The following GTF2I variants were observed in gnomAD, a reference collection of about 807,000 sequenced individuals.
GTF2I encodes the protein general transcription factor II-I.
Under a neutral mutation model 67.6 loss-of-function variants are expected in GTF2I, and 12 were observed. That is an observed-to-expected ratio of 0.18 (90% CI 0.11 to 0.29). The LOEUF (loss-of-function observed/expected upper bound fraction) is 0.29. Ranked by LOEUF, GTF2I falls within the 10% of genes least tolerant of loss-of-function variation. GTF2I has a pLI of 1.00. For synonymous variants in GTF2I, 149 were observed against 197.0 expected, an observed-to-expected ratio of 0.76 and a Z score of 2.04; for missense variants, 271 against 580.1, an observed-to-expected ratio of 0.47 and a Z score of 5.47.
chr7:74,731,257 C>T (rs587763665), intron 14 of GTF2I, among the ~76,000 whole-genome samples: 11 of 137,962 alleles, frequency 8.0e-5, no homozygotes, highest in South Asian at 2.5e-4. Flanking sequence ...AACTAGCAAG[C>T]GGTAAAATTG....
intron 6 of GTF2I, among the ~76,000 whole-genome samples, chr7:74,703,681 T>C (rs1313877797): frequency 6.6e-6 from 1 of 152,174 alleles, no homozygotes; most frequent in African/African-American, 2.4e-5. Context: ...CGCCTGGCCC[T>C]CACTTAAGCT....
intron 1 of GTF2I, among the ~76,000 whole-genome samples, chr7:74,666,689 C>T (rs1014859211): frequency 6.6e-6 from 1 of 151,128 alleles, no homozygotes; most frequent in Non-Finnish European, 1.5e-5. Flanking sequence ...AAAAATTGGC[C>T]GGGCACGGTG....
At chr7:74,669,855 T>A (rs1456255889) in intron 1 of GTF2I, among the ~76,000 whole-genome samples, 3 of 152,160 alleles carry the variant, frequency 2.0e-5, no homozygotes, top group Non-Finnish European at 4.4e-5. Context: ...AAGTTAAATT[T>A]TAAAACGATC....
At position 74,711,041 on chromosome 7, in the gene GTF2I, T is replaced by C. The variant is rs781878557; in HGVS notation, c.695T>C (p.Leu232Pro). ...GCATTTGCTTTTCTAGGCATTTCCCTGGAAATGGCAGCTGTGACAGTAAAG... is the reference window on the plus strand; with the variant it reads ...GCATTTGCTTTTCTAGGCATTTCCCCGGAAATGGCAGCTGTGACAGTAAAG... ...TEPTEDSGIS[L>P]EMAAVTVKEE... The change falls in exon 9 of 35, where the codon CTG becomes CCG. Residue 232 changes from leucine to proline, a missense_variant. Leu to Pro is a moderately conservative substitution (Grantham distance 98). Transcript: ENST00000573035. The C allele has an allele frequency of 2.0e-6, 3 of 1,525,388 alleles. No homozygotes were observed. The African/African-American group carries it at 4.2e-5, about 21-fold the overall frequency. 94.5% of individuals were successfully genotyped at this position (1,525,388 alleles called of 1,614,324 possible).
Position 74,705,154 on chromosome 7 carries a change from T to G in GTF2I, c.587-10T>G. 1 of 1,582,386 alleles carries G rather than the reference T, an allele frequency of 6.3e-7. No individual in the cohort carries two copies. The highest frequency in any genetic ancestry group is 8.7e-7 in the Non-Finnish European group (1 of 1,153,382). On this transcript the variant is annotated splice_polypyrimidine_tract_variant and intron_variant, in intron 6 of 34. Coordinates refer to ENST00000573035, the MANE Select transcript of GTF2I (RefSeq NM_032999.4). ...AAAAACTAACTCCAATTTTTTTTTT[T>G]TGTATGTAGGTGGTCGTGTGATGGT...
At chr7:74,712,491 TGTG>T (rs1442639563) in intron 9 of GTF2I, among the ~76,000 whole-genome samples, 9 of 7,498 alleles carry the variant, frequency 1.2e-3, no homozygotes, top group African/African-American at 6.1e-3. Flanking sequence ...CCCGGGAGTG[TGTG>T]TGTGTGTGTG....
chr7:74,703,610 C>T (rs1389644976), intron 6 of GTF2I, among the ~76,000 whole-genome samples: 2 of 152,168 alleles, frequency 1.3e-5, no homozygotes, highest in Non-Finnish European at 2.9e-5. Flanking sequence ...AAACTCCAGA[C>T]CTCAGGTGAT....
At chr7:74,659,735 GTCT>G (rs1804300449) in intron 1 of GTF2I, among the ~76,000 whole-genome samples, 1 of 152,030 alleles carries the variant, frequency 6.6e-6, no homozygotes, top group Non-Finnish European at 1.5e-5. Context: ...TAGAGATGGG[GTCT>G]TCTTGTGTTG....
At chr7:74,674,960 C>G (rs1249997245) in intron 1 of GTF2I, among the ~76,000 whole-genome samples, 1 of 152,148 alleles carries the variant, frequency 6.6e-6, no homozygotes, top group Non-Finnish European at 1.5e-5. Context: ...TCAAGCGATT[C>G]TCCTGCCTCA....
chr7:74,687,844 A>C (rs1787874682), intron 1 of GTF2I, among the ~76,000 whole-genome samples: 1 of 152,110 alleles, frequency 6.6e-6, no homozygotes, highest in Non-Finnish European at 1.5e-5. Flanking sequence ...CCAGTGTTTA[A>C]TTTTTAAATT....
chr7:74,685,867 C>T (rs938884442), intron 1 of GTF2I, among the ~76,000 whole-genome samples: 4 of 150,854 alleles, frequency 2.7e-5, no homozygotes, highest in African/African-American at 9.8e-5. Flanking sequence ...TCCTGGCTAA[C>T]ATGGTGAAAA....
Position 74,711,090 on chromosome 7 carries a change from T to C in GTF2I, c.744T>C (p.Tyr248=). ...AGGAAGAATCAGAAGATCCTGATTA[T>C]TATCAATATAACATTCAAGGTAATT... ...TVKEESEDPD[Y]YQYNIQAGPS... is the part of the protein sequence containing the mutation. Residue 248 remains tyrosine (Y), a synonymous_variant, in exon 9 of 35, where the codon TAT becomes TAC. Coordinates refer to ENST00000573035, the MANE Select transcript of GTF2I (RefSeq NM_032999.4). 6.8e-7 allele frequency: 1 copy of C among 1,469,592 alleles called. No homozygotes were observed. Among genetic ancestry groups the C allele is most frequent in the Non-Finnish European group, 9.4e-7 (1 of 1,067,572 alleles). 91.0% of individuals were successfully genotyped at this position (1,469,592 alleles called of 1,614,324 possible).
At chr7:74,730,886 T>C (rs1417519722) in intron 14 of GTF2I, among the ~76,000 whole-genome samples, 2 of 142,192 alleles carry the variant, frequency 1.4e-5, no homozygotes, top group Admixed American at 7.1e-5. Flanking sequence ...TTTGTATTTT[T>C]AGTAGAGACA....
chr7:74,692,163 T>G (rs1421985369), intron 3 of GTF2I, among the ~76,000 whole-genome samples: 1 of 150,440 alleles, frequency 6.6e-6, no homozygotes, highest in Non-Finnish European at 1.5e-5. Flanking sequence ...AACTTCCACC[T>G]CCTGTATTCA....
At chr7:74,698,251 G>A (rs1178682957) in intron 3 of GTF2I, among the ~76,000 whole-genome samples, 1 of 151,894 alleles carries the variant, frequency 6.6e-6, no homozygotes, top group Non-Finnish European at 1.5e-5. Flanking sequence ...CACCGCGCCC[G>A]GCCTAATTTT....
At chr7:74,658,231 G>GCCGCCTCCCCCTACCCCCACCCCCA (rs1804101709) in intron 1 of GTF2I, among the ~76,000 whole-genome samples, 163 bp downstream of exon 1, 1 of 149,190 alleles carries the variant, frequency 6.7e-6, no homozygotes, top group Non-Finnish European at 1.5e-5. Flanking sequence ...GGGCGCCCGT[G>GCCGCCTCCCCCTACCCCCACCCCCA]CCGCCTCCCC....
At chr7:74,665,512 A>G (rs1242270132) in intron 1 of GTF2I, among the ~76,000 whole-genome samples, 1 of 152,098 alleles carries the variant, frequency 6.6e-6, no homozygotes, top group Non-Finnish European at 1.5e-5. Context: ...TCAGCCTCTC[A>G]AAGGCTGGGA....
chr7:74,687,036 G>A (rs929209339), intron 1 of GTF2I, among the ~76,000 whole-genome samples: 1 of 151,282 alleles, frequency 6.6e-6, no homozygotes, highest in East Asian at 1.9e-4. Context: ...ATTACAGATG[G>A]TACACCACCA....
chr7:74,683,863 A>G (rs945657228), intron 1 of GTF2I, among the ~76,000 whole-genome samples: 2 of 150,030 alleles, frequency 1.3e-5, no homozygotes, highest in Non-Finnish European at 3.0e-5. Flanking sequence ...CCCACCAAAG[A>G]AAAAAAAAAC....
Sources: allele counts gnomAD v4.1 joint callset (sites outside exome capture counted in the v4.1 genomes callset), GRCh38; gene constraint gnomAD v4.1.1; transcripts MANE v1.5; gene names NCBI Gene and HGNC (gene_info 2026-07-23, HGNC 2026-07-21).